DGKB: variants seen among roughly 807,000 people sequenced by gnomAD.
DGKB encodes the protein diacylglycerol kinase beta.
Under a neutral mutation model 114.3 loss-of-function variants are expected in DGKB, and 67 were observed. The observed-to-expected ratio is 0.59, with a 90% CI of 0.48 to 0.72. The LOEUF (loss-of-function observed/expected upper bound fraction) is 0.72. DGKB is among the 30% of genes least tolerant of loss of function. DGKB has a pLI of 0.00. For missense variants in DGKB, 907 were observed against 975.2 expected, an observed-to-expected ratio of 0.93 and a Z score of 0.93; for synonymous variants, 398 against 323.1, an observed-to-expected ratio of 1.23 and a Z score of -2.49.
chr7:14,865,800 G>C (rs533908941), intron 1 of DGKB, among the ~76,000 whole-genome samples: 1 of 152,164 alleles, frequency 6.6e-6, no homozygotes, highest in African/African-American at 2.4e-5. Flanking sequence ...GTAAAAAGAA[G>C]ACCATGAATA....
intron 1 of DGKB, among the ~76,000 whole-genome samples, chr7:14,881,566 T>G (rs991913548): frequency 6.6e-6 from 1 of 152,134 alleles, no homozygotes; most frequent in African/African-American, 2.4e-5. Flanking sequence ...GTCATAAACA[T>G]TTATTAACTT....
intron 22 of DGKB, among the ~76,000 whole-genome samples, chr7:14,343,300 A>G (rs1811931353): frequency 6.6e-6 from 1 of 151,802 alleles, no homozygotes; most frequent in Admixed American, 6.6e-5. Context: ...ATGCAGAGCT[A>G]GAAGGTCAGG....
At chr7:14,900,102 C>T (rs217597) in intron 1 of DGKB, among the ~76,000 whole-genome samples, 104,061 of 151,954 alleles carry the variant, frequency 0.68, 35,796 homozygotes, top group Admixed American at 0.76. Flanking sequence ...TAACTGCCCA[C>T]TACTACTCAT....
At chr7:14,513,523 A>G (rs1563368518) in intron 20 of DGKB, among the ~76,000 whole-genome samples, 1 of 152,002 alleles carries the variant, frequency 6.6e-6, no homozygotes, top group Non-Finnish European at 1.5e-5. Context: ...AGCAATTAGC[A>G]CTCAGATAAT....
At chr7:14,517,048 T>G (rs2128555299) in intron 20 of DGKB, among the ~76,000 whole-genome samples, 1 of 152,194 alleles carries the variant, frequency 6.6e-6, no homozygotes, top group East Asian at 1.9e-4. Flanking sequence ...TTACCCAACT[T>G]TAAACTATTC....
chr7:14,767,883 A>C (rs962041940), intron 2 of DGKB, among the ~76,000 whole-genome samples: 13 of 151,950 alleles, frequency 8.6e-5, no homozygotes, highest in Non-Finnish European at 1.3e-4. Context: ...GTTGCAAAAC[A>C]CTTACTGGCA....
At chr7:14,349,985 A>G (rs1380427731) in intron 21 of DGKB, among the ~76,000 whole-genome samples, 1 of 152,142 alleles carries the variant, frequency 6.6e-6, no homozygotes, top group Admixed American at 6.6e-5. Context: ...GGTTCTGTAA[A>G]CCTCACAAAA....
chr7:14,260,601 T>G (rs1356638242), intron 23 of DGKB, among the ~76,000 whole-genome samples: 2 of 152,190 alleles, frequency 1.3e-5, no homozygotes, highest in African/African-American at 4.8e-5. Context: ...TTTCTTTAGC[T>G]TTCACTTCCT....
In DGKB at chr7:14,173,877, A is replaced by C. The variant is rs1382745019; in HGVS notation, c.2304+2962T>G. Among the ~76,000 whole-genome samples, 3 of 152,208 alleles carry C rather than the reference A, an allele frequency of 2.0e-5. No individual in the cohort carries two copies. The South Asian group carries it at 6.2e-4, about 32-fold the overall frequency. On this transcript the variant is annotated intron_variant, in intron 25 of 25. Coordinates refer to ENST00000402815, the MANE Select transcript of DGKB (RefSeq NM_001350709.2). Reference sequence around the variant, plus strand: ...GTTTTAAATGAATAAGTGAGTTTACAAGGGAAGAAAATTAATATAAGTTAC... The same window carrying C: ...GTTTTAAATGAATAAGTGAGTTTACCAGGGAAGAAAATTAATATAAGTTAC...
intron 1 of DGKB, among the ~76,000 whole-genome samples, chr7:14,947,325 C>A (rs1002448173): frequency 2.0e-5 from 3 of 151,594 alleles, no homozygotes; most frequent in Non-Finnish European, 4.4e-5. Context: ...AATGGAAAAA[C>A]AAAACTGTTC....
At position 14,625,746 on chromosome 7, in the gene DGKB, T is replaced by C. The variant is rs777513325; in HGVS notation, c.1168-4252A>G. Among the ~76,000 whole-genome samples, 42 of 151,826 alleles carry C rather than the reference T, an allele frequency of 2.8e-4. No homozygotes were observed. The Middle Eastern group carries it at 0.014, about 49-fold the overall frequency. On this transcript the variant is annotated intron_variant, in intron 14 of 25. Transcript: ENST00000402815. ...GTTGGAAAATTGTTGCTTTAATCAA[T>C]AGAAATTATTCAAACACTGAAAAGA...
At chr7:14,833,887 C>T (rs987827844) in intron 2 of DGKB, among the ~76,000 whole-genome samples, 2 of 152,092 alleles carry the variant, frequency 1.3e-5, no homozygotes, top group South Asian at 2.1e-4. Flanking sequence ...TATCCATATG[C>T]GCAGAGTTAA....
chr7:14,364,950 A>T (rs1816405876), intron 21 of DGKB, among the ~76,000 whole-genome samples: 1 of 151,966 alleles, frequency 6.6e-6, no homozygotes, highest in East Asian at 1.9e-4. Flanking sequence ...CGTGTCACAT[A>T]AGTGAATATA....
In DGKB at chr7:14,338,510, C is replaced by G; in HGVS notation, c.2122+5G>C. 1 of 1,545,226 alleles carries G rather than the reference C, an allele frequency of 6.5e-7. No individual in the cohort carries two copies. Among genetic ancestry groups the G allele is most frequent in the African/African-American group, 1.4e-5 (1 of 71,316 alleles). On this transcript the variant is annotated splice_donor_5th_base_variant and intron_variant, in intron 23 of 25. Coordinates refer to ENST00000402815, the MANE Select transcript of DGKB (RefSeq NM_001350709.2). The stretch of plus-strand genomic sequence containing the variant: ...AATTTAACAACTAATTGTTAGAAAA[C>G]TGACCTTGACTTGCAAACTTCAACT...
In DGKB at chr7:14,929,205, T is replaced by C. The variant is rs537165842; in HGVS notation, c.-188+45491A>G. ...GCTGTCATCAACATATGAGTGCAGA[T>C]ATCTTTTTGGTATAACGATATTATT... On this transcript the variant is annotated intron_variant, in intron 1 of 4. Transcript: ENST00000437998. 3.5e-4 allele frequency among the ~76,000 whole-genome samples: 53 copies of C among 152,230 alleles called. No individual in the cohort carries two copies. The South Asian group carries it at 0.011, about 32-fold the overall frequency.
At chr7:14,878,328 CT>C (rs1436825615) in intron 1 of DGKB, among the ~76,000 whole-genome samples, 3 of 152,198 alleles carry the variant, frequency 2.0e-5, no homozygotes, top group Admixed American at 2.0e-4. Flanking sequence ...TCTAATGTCT[CT>C]GCATCATAGC....
chr7:14,159,568 T>C (rs1023085720), intron 25 of DGKB, among the ~76,000 whole-genome samples: 2 of 152,248 alleles, frequency 1.3e-5, no homozygotes, highest in Non-Finnish European at 2.9e-5. Context: ...GTTCACTTTG[T>C]ATTGTTTTCT....
intron 23 of DGKB, among the ~76,000 whole-genome samples, chr7:14,263,711 A>G (rs758666685): frequency 3.1e-4 from 47 of 152,328 alleles, no homozygotes; most frequent in Non-Finnish European, 5.9e-4. Context: ...TCATAAAGTT[A>G]AAGGCAAGAT....
chr7:14,790,946 T>C (rs1272551307), intron 2 of DGKB, among the ~76,000 whole-genome samples: 1 of 152,140 alleles, frequency 6.6e-6, no homozygotes, highest in Non-Finnish European at 1.5e-5. Context: ...GAATTGTATA[T>C]TGATCAATTT....
Sources: gnomAD v4.1 joint callset for allele counts (sites outside exome capture counted in the v4.1 genomes callset) on GRCh38, gnomAD v4.1.1 for gene constraint, MANE v1.5 for transcripts, NCBI Gene and HGNC (gene_info 2026-07-23, HGNC 2026-07-21) for gene names.